The following SGCZ variants were observed in gnomAD, a reference collection of about 807,000 sequenced individuals.
SGCZ encodes the protein sarcoglycan zeta, also known as zeta-sarcoglycan.
In SGCZ, 40 loss-of-function variants were observed where a neutral mutation model predicts 41.3. The observed-to-expected ratio is 0.97, with a 90% CI of 0.75 to 1.26. SGCZ has a LOEUF of 1.26. SGCZ is among the 50% of genes most tolerant of loss of function. The probability of loss-of-function intolerance (pLI) is 0.00; values close to 1 mark genes in which losing one functional copy is unlikely to be tolerated. For synonymous variants in SGCZ, 206 were observed against 137.5 expected, an observed-to-expected ratio of 1.50 and a Z score of -3.49; for missense variants, 552 against 369.8, an observed-to-expected ratio of 1.49 and a Z score of -4.04.
intron 1 of SGCZ, among the ~76,000 whole-genome samples, chr8:15,171,211 T>G (rs1382192601): frequency 6.6e-6 from 1 of 152,204 alleles, no homozygotes; most frequent in Non-Finnish European, 1.5e-5. Context: ...AGTTAGTTCA[T>G]TTTCCTGAAT....
At chr8:15,041,152 A>AT (rs894171696) in intron 1 of SGCZ, among the ~76,000 whole-genome samples, 1 of 149,794 alleles carries the variant, frequency 6.7e-6, no homozygotes, top group African/African-American at 2.5e-5. Context: ...ATAGTCATTT[A>AT]TTTTTTTTAT....
intron 1 of SGCZ, among the ~76,000 whole-genome samples, chr8:14,609,386 G>A (rs1294469906): frequency 6.6e-6 from 1 of 152,024 alleles, no homozygotes; most frequent in Non-Finnish European, 1.5e-5. Flanking sequence ...TAATCTATCT[G>A]TCACCAGATG....
intron 1 of SGCZ, among the ~76,000 whole-genome samples, chr8:14,975,551 T>C (rs1490198074): frequency 6.6e-6 from 1 of 152,032 alleles, no homozygotes; most frequent in Non-Finnish European, 1.5e-5. Flanking sequence ...AGTGAGATTG[T>C]TTTCACTGGA....
chr8:14,212,215 C>G (rs1428183584), intron 4 of SGCZ, among the ~76,000 whole-genome samples: 1 of 152,076 alleles, frequency 6.6e-6, no homozygotes. Context: ...CCCACACTGG[C>G]TCCTCCCTTT....
chr8:14,363,479 G>T (rs796615943), intron 2 of SGCZ, among the ~76,000 whole-genome samples: 13 of 152,258 alleles, frequency 8.5e-5, no homozygotes, highest in African/African-American at 3.1e-4. Context: ...CCCAAGACAG[G>T]AGGTGAGAAC....
Position 14,525,193 on chromosome 8 carries a change from TAGAC to T in SGCZ, c.234+29535_234+29538del, listed in dbSNP as rs199587564. Reference sequence around the variant, plus strand: ...ATAGATAGATAGATAGATAGATAGATAGACAGACAGACAGACAGATGTTTCCACT... The same window carrying T: ...ATAGATAGATAGATAGATAGATAGATAGACAGACAGACAGATGTTTCCACT... On this transcript the variant is annotated intron_variant, in intron 2 of 7. Coordinates refer to ENST00000382080, the MANE Select transcript of SGCZ (RefSeq NM_139167.4). Among the ~76,000 whole-genome samples the T allele has an allele frequency of 9.8e-3, 731 of 74,706 alleles. 3 individuals are homozygous for T. The highest frequency in any genetic ancestry group is 0.017 in the East Asian group (45 of 2,720). The allele number at this position is 74,706 out of a possible 152,430, so 49.0% of individuals were successfully genotyped here. A position where few individuals can be genotyped will look rare whatever the true frequency, so the allele number is the denominator to read the frequency against.
intron 1 of SGCZ, among the ~76,000 whole-genome samples, chr8:15,135,869 C>T (rs1808084295): frequency 6.6e-6 from 1 of 152,186 alleles, no homozygotes; most frequent in Non-Finnish European, 1.5e-5. Flanking sequence ...GCTACCCCAT[C>T]CATAAGCAGT....
At chr8:14,148,171 C>G (rs765695700) in intron 5 of SGCZ, among the ~76,000 whole-genome samples, 2 of 151,524 alleles carry the variant, frequency 1.3e-5, no homozygotes, top group African/African-American at 2.4e-5. Flanking sequence ...GAAACCAAAC[C>G]CAAAATTAGT....
At chr8:14,175,063 G>T (rs1804502176) in intron 4 of SGCZ, among the ~76,000 whole-genome samples, 1 of 152,078 alleles carries the variant, frequency 6.6e-6, no homozygotes, top group Non-Finnish European at 1.5e-5. Context: ...TGGTACTGAA[G>T]GTTAAGACTT....
At chr8:15,187,196 C>T (rs1563172932) in intron 1 of SGCZ, among the ~76,000 whole-genome samples, 1 of 152,072 alleles carries the variant, frequency 6.6e-6, no homozygotes, top group Non-Finnish European at 1.5e-5. Flanking sequence ...GGTAATTGTA[C>T]AATATTTCCT....
rs1804386274 is a variant in SGCZ at position 14,382,031 on chromosome 8, C to A, written c.235-57827G>T. Among the ~76,000 whole-genome samples, 7 of 152,058 alleles carry A rather than the reference C, an allele frequency of 4.6e-5. No homozygotes were observed. The South Asian group carries it at 8.3e-4, about 18-fold the overall frequency. On this transcript the variant is annotated intron_variant, in intron 2 of 7. Coordinates refer to ENST00000382080, the MANE Select transcript of SGCZ (RefSeq NM_139167.4). ...TTTCCGGAGCTTTACCTTGCTAACT[C>A]TTGTTGAAATTTATTGTAAAGAGTA...
chr8:14,699,961 T>A (rs1809082921), intron 1 of SGCZ, among the ~76,000 whole-genome samples: 1 of 151,906 alleles, frequency 6.6e-6, no homozygotes, highest in South Asian at 2.1e-4. Context: ...ATAGCAGATG[T>A]TGGCGAGGTT....
At chr8:14,746,558 T>TAA (rs1353045200) in intron 1 of SGCZ, among the ~76,000 whole-genome samples, 1 of 152,074 alleles carries the variant, frequency 6.6e-6, no homozygotes, top group East Asian at 1.9e-4. Context: ...GTAAATAAAA[T>TAA]AAATAAACCT....
At chr8:15,169,861 C>T (rs916705207) in intron 1 of SGCZ, among the ~76,000 whole-genome samples, 3 of 152,180 alleles carry the variant, frequency 2.0e-5, no homozygotes, top group Admixed American at 2.0e-4. Flanking sequence ...TGCAAACTCT[C>T]AGTCCACTGC....
intron 1 of SGCZ, among the ~76,000 whole-genome samples, chr8:14,761,096 C>G (rs1799857042): frequency 6.6e-6 from 1 of 152,128 alleles, no homozygotes; most frequent in Admixed American, 6.6e-5. Flanking sequence ...CAAGTTTTAT[C>G]CATTAATGTA....
At chr8:14,190,010 C>CTCT (rs1805039773) in intron 4 of SGCZ, among the ~76,000 whole-genome samples, 2 of 68,494 alleles carry the variant, frequency 2.9e-5, no homozygotes, top group African/African-American at 5.9e-5. Context: ...TTCTTTCTTT[C>CTCT]TTTCTTTTTT....
intron 2 of SGCZ, among the ~76,000 whole-genome samples, chr8:14,399,340 G>T (rs1799007348): frequency 6.6e-6 from 1 of 152,088 alleles, no homozygotes; most frequent in African/African-American, 2.4e-5. Context: ...CATCTTACCA[G>T]TAGAATCTGA....
chr8:15,146,628 G>T (rs539399913), intron 1 of SGCZ, among the ~76,000 whole-genome samples: 1 of 152,304 alleles, frequency 6.6e-6, no homozygotes, highest in African/African-American at 2.4e-5. Context: ...TCTATATGAA[G>T]ATAATACTAA....
At chr8:14,489,570 C>T (rs1801781625) in intron 2 of SGCZ, among the ~76,000 whole-genome samples, 1 of 151,868 alleles carries the variant, frequency 6.6e-6, no homozygotes, top group Admixed American at 6.6e-5. Context: ...TTTTTTAACC[C>T]ACTTTTTAAA....
Sources: gnomAD v4.1 joint callset for allele counts (sites outside exome capture counted in the v4.1 genomes callset) on GRCh38, gnomAD v4.1.1 for gene constraint, MANE v1.5 for transcripts, NCBI Gene and HGNC (gene_info 2026-07-23, HGNC 2026-07-21) for gene names.